Variants in FOXP1 observed in about 807,000 individuals in gnomAD.
The protein encoded by FOXP1 is forkhead box protein P1.
A neutral mutation model predicts 98.2 loss-of-function variants in FOXP1; 15 were observed. That is an observed-to-expected ratio of 0.15 (90% CI 0.10 to 0.24). The LOEUF is 0.24. FOXP1 is among the 10% of genes least tolerant of loss of function. The pLI is 1.00. For synonymous variants in FOXP1, 371 were observed against 314.5 expected (o/e 1.18, Z -1.90); for missense variants, 633 against 848.5 (o/e 0.75, Z 3.15).
chr3:71,480,855 A>G (rs1201217250), intron 3 of FOXP1, among the ~76,000 whole-genome samples: 1 of 152,116 alleles, frequency 6.6e-6, no homozygotes, highest in African/African-American at 2.4e-5. Context: ...GGCCACACAT[A>G]TATCGGTCTT....
chr3:71,044,548 A>G (rs1430453010), intron 10 of FOXP1, among the ~76,000 whole-genome samples: 1 of 152,202 alleles, frequency 6.6e-6, no homozygotes, highest in Non-Finnish European at 1.5e-5. Context: ...TCAAAATATT[A>G]ATTCTCTATC....
intron 11 of FOXP1, among the ~76,000 whole-genome samples, chr3:71,023,425 G>A (rs554466281): frequency 6.6e-6 from 1 of 152,268 alleles, no homozygotes; most frequent in Non-Finnish European, 1.5e-5. Context: ...CTAGAAAGCT[G>A]TTCTCTTCAT....
chr3:71,522,725 T>C (rs538942471), intron 2 of FOXP1, among the ~76,000 whole-genome samples: 43 of 152,092 alleles, frequency 2.8e-4, no homozygotes, highest in Non-Finnish European at 2.9e-5. Context: ...AAAAAAGAAA[T>C]ATGACCCATG....
At chr3:71,444,876 G>A (rs2108472374) in intron 3 of FOXP1, among the ~76,000 whole-genome samples, 1 of 152,274 alleles carries the variant, frequency 6.6e-6, no homozygotes, top group Non-Finnish European at 1.5e-5. Context: ...AGGGATTGGG[G>A]GGAGTGGGGA....
intron 6 of FOXP1, among the ~76,000 whole-genome samples, chr3:71,159,602 T>G (rs1276964613): frequency 6.6e-6 from 1 of 152,220 alleles, no homozygotes; most frequent in Non-Finnish European, 1.5e-5. Flanking sequence ...TCTCTTTGAT[T>G]ATAAATAGCC....
intron 2 of FOXP1, chr3:71,580,734 T>C (rs1014468878): frequency 1.4e-5 from 13 of 959,104 alleles, no homozygotes; most frequent in East Asian, 2.3e-4. Context: ...ATATTTTCAG[T>C]AGCAGAAAAA....
intron 3 of FOXP1, among the ~76,000 whole-genome samples, chr3:71,455,212 T>C (rs1346810031): frequency 1.3e-5 from 2 of 152,106 alleles, no homozygotes; most frequent in Non-Finnish European, 1.5e-5. Flanking sequence ...GACGTGGAAA[T>C]AGCCACACGA....
intron 20 of FOXP1, among the ~76,000 whole-genome samples, chr3:70,965,076 G>A (rs973571856): frequency 6.6e-6 from 1 of 152,242 alleles, no homozygotes; most frequent in African/African-American, 2.4e-5. Context: ...CAGTTTTGAA[G>A]AACCTCACTA....
chr3:71,007,126 TG>T (rs967353591), intron 12 of FOXP1, among the ~76,000 whole-genome samples: 13 of 152,168 alleles, frequency 8.5e-5, no homozygotes, highest in African/African-American at 3.1e-4. Flanking sequence ...AAATTTTTTT[TG>T]GTAACACCCT....
At chr3:71,469,020 G>C (rs916116002) in intron 3 of FOXP1, among the ~76,000 whole-genome samples, 1 of 152,176 alleles carries the variant, frequency 6.6e-6, no homozygotes, top group East Asian at 1.9e-4. Flanking sequence ...TTCCACCGGC[G>C]CTGGGTGTTG....
intron 5 of FOXP1, among the ~76,000 whole-genome samples, chr3:71,205,025 G>A (rs1576371401): frequency 6.6e-6 from 1 of 152,124 alleles, no homozygotes; most frequent in Non-Finnish European, 1.5e-5. Context: ...ACAGAAAGGC[G>A]TAAATTTTCT....
At chr3:71,348,522 C>CGTGTGTGTGT (rs772944612) in intron 4 of FOXP1, among the ~76,000 whole-genome samples, 229 of 69,998 alleles carry the variant, frequency 3.3e-3, no homozygotes, top group African/African-American at 7.8e-3. Flanking sequence ...TGTGTGTGTG[C>CGTGTGTGTGT]GTGTGTGTGT....
intron 2 of FOXP1, among the ~76,000 whole-genome samples, chr3:71,540,303 G>A (rs769067303): frequency 3.3e-5 from 5 of 152,162 alleles, no homozygotes; most frequent in African/African-American, 4.8e-5. Flanking sequence ...GCACTGGTCC[G>A]CCAGACAATG....
chr3:71,313,286 C>G (rs978806896), intron 4 of FOXP1, among the ~76,000 whole-genome samples: 18 of 151,614 alleles, frequency 1.2e-4, no homozygotes, highest in African/African-American at 3.9e-4. Context: ...GTCTCGATCT[C>G]CTGACCTCAT....
At chr3:71,268,112 A>C in intron 5 of FOXP1, among the ~76,000 whole-genome samples, 1 of 103,642 alleles carries the variant, frequency 9.6e-6, no homozygotes, top group Non-Finnish European at 1.8e-5. Context: ...TTTTTTTGAG[A>C]CAGAGTCTCG....
At chr3:71,013,969 C>G (rs1488407734) in intron 12 of FOXP1, among the ~76,000 whole-genome samples, 1 of 152,130 alleles carries the variant, frequency 6.6e-6, no homozygotes, top group African/African-American at 2.4e-5. Context: ...GAAACTGGAT[C>G]CCTTCCTTAC....
At chr3:71,309,049 C>T (rs1476595545) in intron 4 of FOXP1, among the ~76,000 whole-genome samples, 3 of 152,104 alleles carry the variant, frequency 2.0e-5, no homozygotes, top group Non-Finnish European at 4.4e-5. Flanking sequence ...TACCAAGTTA[C>T]GCTTGCTGAT....
At chr3:71,568,418 C>G (rs2047082348) in intron 2 of FOXP1, among the ~76,000 whole-genome samples, 1 of 152,154 alleles carries the variant, frequency 6.6e-6, no homozygotes, top group Non-Finnish European at 1.5e-5. Context: ...AAGACAGTTT[C>G]TGAATCTCAG....
intron 7 of FOXP1, among the ~76,000 whole-genome samples, chr3:71,099,535 A>G (rs2056777622): frequency 6.6e-6 from 1 of 152,126 alleles, no homozygotes; most frequent in South Asian, 2.1e-4. Context: ...AAAACAAAAC[A>G]AAACAAAACA....
Sources: gnomAD v4.1 joint callset for allele counts (sites outside exome capture counted in the v4.1 genomes callset) on GRCh38, gnomAD v4.1.1 for gene constraint, MANE v1.5 for transcripts, NCBI Gene and HGNC (gene_info 2026-07-23, HGNC 2026-07-21) for gene names.